SETD3: variants seen among roughly 807,000 people sequenced by gnomAD.
SETD3 encodes SET domain containing 3, actin N3(tau)-histidine methyltransferase, also known as actin-histidine N-methyltransferase.
A neutral mutation model predicts 63.0 loss-of-function variants in SETD3; 19 were observed. The ratio of observed to expected loss-of-function variants is 0.30; its 90% CI spans 0.21 to 0.44. The LOEUF is 0.44. SETD3 is among the 20% of genes least tolerant of loss of function. SETD3 has a pLI of 1.00. For synonymous variants in SETD3, 286 were observed against 264.1 expected (o/e 1.08, Z -0.80); for missense variants, 587 against 728.5 (o/e 0.81, Z 2.24).
intron 6 of SETD3, among the ~76,000 whole-genome samples, chr14:99,419,222 A>T (rs535184236): frequency 6.6e-6 from 1 of 152,356 alleles, no homozygotes; most frequent in East Asian, 1.9e-4. Flanking sequence ...AAAAATTTAA[A>T]TACATCAATA....
At chr14:99,458,567 T>C in intron 5 of SETD3, 32 bp from the exon 6 acceptor site, 1 of 1,580,818 alleles carries the variant, frequency 6.3e-7, no homozygotes, top group Non-Finnish European at 8.6e-7. Flanking sequence ...CAGCGTAAGT[T>C]CCACAAACTT....
upstream of SETD3, among the ~76,000 whole-genome samples, chr14:99,482,176 C>T (rs1896354302): frequency 6.6e-6 from 1 of 152,210 alleles, no homozygotes; most frequent in East Asian, 1.9e-4. Context: ...TTAAACGGAG[C>T]TTTCGCTAAG....
At chr14:99,453,652 C>T (rs944616526) in intron 6 of SETD3, among the ~76,000 whole-genome samples, 1 of 152,026 alleles carries the variant, frequency 6.6e-6, no homozygotes, top group African/African-American at 2.4e-5. Flanking sequence ...TGGTGAAGCC[C>T]CGTCTCTACT....
intron 11 of SETD3, among the ~76,000 whole-genome samples, chr14:99,403,342 C>T (rs1193896562): frequency 1.3e-5 from 2 of 151,912 alleles, no homozygotes; most frequent in African/African-American, 4.8e-5. Flanking sequence ...AACACTTGTT[C>T]GTCTGTTCAC....
chr14:99,418,657 G>A (rs939204648), intron 6 of SETD3, among the ~76,000 whole-genome samples: 2 of 152,128 alleles, frequency 1.3e-5, no homozygotes, highest in African/African-American at 4.8e-5. Context: ...AGAAAGCAGA[G>A]GTGCAAAAGA....
intron 6 of SETD3, 113 bp from the exon 7 acceptor site, chr14:99,414,047 T>A: frequency 1.0e-6 from 1 of 994,084 alleles, no homozygotes; most frequent in East Asian, 2.4e-5. Flanking sequence ...AAGAGCCAAA[T>A]GAAGCAGGCG....
chr14:99,434,026 C>T (rs1893330764), intron 6 of SETD3, among the ~76,000 whole-genome samples: 1 of 152,132 alleles, frequency 6.6e-6, no homozygotes. Flanking sequence ...CATACGATCA[C>T]TCAATACCCC....
chr14:99,408,167 C>T (rs895454956), intron 8 of SETD3, among the ~76,000 whole-genome samples: 10 of 152,082 alleles, frequency 6.6e-5, no homozygotes, highest in African/African-American at 2.4e-4. Flanking sequence ...GATGGAAGGC[C>T]ATGTAACACT....
At chr14:99,467,102 T>C (rs1469950034) in intron 1 of SETD3, among the ~76,000 whole-genome samples, 1 of 152,104 alleles carries the variant, frequency 6.6e-6, no homozygotes, top group Admixed American at 6.5e-5. Flanking sequence ...GCTAAAACAG[T>C]AGGACATCAC....
chr14:99,399,983 G>A (rs982294812), intron 12 of SETD3, 116 bp downstream of exon 12: 24 of 868,720 alleles, frequency 2.8e-5, no homozygotes, highest in East Asian at 1.2e-4. Context: ...CTCGTGATCC[G>A]CCCCGCCTCG....
intron 1 of SETD3, among the ~76,000 whole-genome samples, chr14:99,478,384 AG>A (rs1446987756): frequency 6.6e-6 from 1 of 152,254 alleles, no homozygotes; most frequent in Non-Finnish European, 1.5e-5. Context: ...CACAGCAGCC[AG>A]GGAACAGGCA....
chr14:99,400,174 G>T lies in SETD3; in HGVS notation c.1263C>A (p.Asp421Glu). 1 of 1,614,092 alleles carries T rather than the reference G, an allele frequency of 6.2e-7. No individual in the cohort carries two copies. Among genetic ancestry groups the T allele is most frequent in the Non-Finnish European group, 8.5e-7 (1 of 1,179,996 alleles). ...LGNSEFPVSWDNEVKLWTFLE... is the reference protein window; with the variant it reads ...LGNSEFPVSWENEVKLWTFLE... ...GAAATGTCCAAAGTTTGACCTCGTT[G>T]TCCCAGCTAACAGGAAATTCCGAGT... Residue 421 changes from aspartate (D) to glutamate (E), a missense_variant, in exon 12 of 13, where the codon GAC (aspartate) becomes GAA (glutamate). By Grantham distance (45) the Asp-to-Glu change is conservative. Coordinates refer to ENST00000331768, the MANE Select transcript of SETD3 (RefSeq NM_032233.3).
chr14:99,410,950 A>C (rs1891955250), intron 8 of SETD3, among the ~76,000 whole-genome samples: 1 of 152,238 alleles, frequency 6.6e-6, no homozygotes, highest in Non-Finnish European at 1.5e-5. Context: ...AGACACACAC[A>C]AAAAAGAAAA....
At chr14:99,438,913 C>T (rs1248771565) in intron 6 of SETD3, among the ~76,000 whole-genome samples, 6 of 152,184 alleles carry the variant, frequency 3.9e-5, no homozygotes, top group Admixed American at 2.0e-4. Flanking sequence ...GTGCTCACAT[C>T]CAGCTTCAGG....
intron 11 of SETD3, among the ~76,000 whole-genome samples, chr14:99,401,608 ATCTAATGT>A (rs1891392133): frequency 1.3e-5 from 2 of 152,256 alleles, no homozygotes; most frequent in Non-Finnish European, 2.9e-5. Context: ...AAAACAAGCT[ATCTAATGT>A]TCAAAAAAGT....
intron 6 of SETD3, among the ~76,000 whole-genome samples, chr14:99,436,225 G>A (rs1016638104): frequency 5.3e-5 from 8 of 152,066 alleles, no homozygotes; most frequent in Non-Finnish European, 7.4e-5. Context: ...AGATGAGATG[G>A]GTGGAAACAC....
intron 3 of SETD3, among the ~76,000 whole-genome samples, 156 bp downstream of exon 3, chr14:99,463,330 C>T (rs943011541): frequency 6.6e-6 from 1 of 152,216 alleles, no homozygotes; most frequent in Non-Finnish European, 1.5e-5. Context: ...GGAGAAATCC[C>T]GCTAACTGCT....
At chr14:99,465,124 G>C (rs1480305269) in intron 2 of SETD3, among the ~76,000 whole-genome samples, 2 of 152,086 alleles carry the variant, frequency 1.3e-5, no homozygotes, top group Non-Finnish European at 2.9e-5. Flanking sequence ...TGAGAGAGCG[G>C]GACCCTGTTT....
At chr14:99,422,195 T>C (rs1340450579) in intron 6 of SETD3, among the ~76,000 whole-genome samples, 2 of 152,218 alleles carry the variant, frequency 1.3e-5, no homozygotes, top group Admixed American at 1.3e-4. Flanking sequence ...AGAAAACATA[T>C]GTATCAAATA....
Sources: gnomAD v4.1 joint callset for allele counts (sites outside exome capture counted in the v4.1 genomes callset) on GRCh38, gnomAD v4.1.1 for gene constraint, MANE v1.5 for transcripts, NCBI Gene and HGNC (gene_info 2026-07-23, HGNC 2026-07-21) for gene names.